Variants in ADSS2 observed in about 807,000 individuals in gnomAD.
The protein encoded by ADSS2 is adenylosuccinate synthase 2, also known as adenylosuccinate synthetase isozyme 2.
In ADSS2, 30 loss-of-function variants were observed where a neutral mutation model predicts 60.0. That is an observed-to-expected ratio of 0.50 (90% CI 0.37 to 0.68). The LOEUF (loss-of-function observed/expected upper bound fraction) is 0.68. Among genes scored for constraint, ADSS2 ranks in the 30% least tolerant of loss-of-function variants. The pLI is 0.00. For synonymous variants in ADSS2, 187 were observed against 193.1 expected, an observed-to-expected ratio of 0.97 and a Z score of 0.26; for missense variants, 373 against 554.8, an observed-to-expected ratio of 0.67 and a Z score of 3.29.
intron 3 of ADSS2, among the ~76,000 whole-genome samples, chr1:244,432,823 C>T (rs917099550): frequency 6.6e-6 from 1 of 151,908 alleles, no homozygotes; most frequent in African/African-American, 2.4e-5. Flanking sequence ...CGCCACCACA[C>T]CTGGCTAATT....
At position 244,451,521 on chromosome 1, in the gene ADSS2, G is replaced by A. The variant is rs1010494407; in HGVS notation, c.183+114C>T. 1.4e-4 allele frequency: 165 copies of A among 1,169,250 alleles called. 1 individual carries two copies. In the East Asian group the frequency reaches 4.0e-3, roughly 28 times the overall value. The allele number at this position is 1,169,250 out of a possible 1,614,324, so 72.4% of individuals were successfully genotyped here. A position where few individuals can be genotyped will look rare whatever the true frequency, so the allele number is the denominator to read the frequency against. On this transcript the variant is annotated intron_variant, in intron 1 of 12. Coordinates refer to ENST00000366535, the MANE Select transcript of ADSS2 (RefSeq NM_001126.5). The surrounding 1 kb of genome is among the most constrained non-coding windows in gnomAD (Gnocchi z 6.6). ...GGACAGGAGGAGAGAGCCTCAAGGT[G>A]ACACCTCATTTTGGCCAGTGGATCC...
chr1:244,427,168 T>C (rs1359011797), intron 4 of ADSS2, among the ~76,000 whole-genome samples: 1 of 152,164 alleles, frequency 6.6e-6, no homozygotes, highest in Non-Finnish European at 1.5e-5. Context: ...GTTAATGCAA[T>C]AGGTCCTTGC....
intron 4 of ADSS2, chr1:244,424,822 A>G (rs530733527): frequency 2.6e-5 from 4 of 156,046 alleles, no homozygotes; most frequent in African/African-American, 9.6e-5. Flanking sequence ...TTCCATTCTT[A>G]GACATCTCTA....
intron 1 of ADSS2, among the ~76,000 whole-genome samples, chr1:244,447,495 G>C (rs1329517018): frequency 6.6e-6 from 1 of 152,118 alleles, no homozygotes; most frequent in Non-Finnish European, 1.5e-5. Flanking sequence ...ACTGCAATAG[G>C]ACATCCTCAT....
At chr1:244,440,633 G>A (rs1572145910) in intron 1 of ADSS2, among the ~76,000 whole-genome samples, 1 of 152,168 alleles carries the variant, frequency 6.6e-6, no homozygotes, top group African/African-American at 2.4e-5. Flanking sequence ...ACTATGCACA[G>A]TAAAATGTGA....
chr1:244,431,029 G>C (rs1473876298), intron 4 of ADSS2, among the ~76,000 whole-genome samples: 1 of 152,054 alleles, frequency 6.6e-6, no homozygotes, highest in Non-Finnish European at 1.5e-5. Context: ...TGAGGCAGAA[G>C]AATCACTTGA....
intron 11 of ADSS2, 105 bp downstream of exon 11, chr1:244,415,876 T>A: frequency 1.2e-6 from 1 of 808,556 alleles, no homozygotes; most frequent in Non-Finnish European, 1.9e-6. Context: ...AAAGGGCATA[T>A]CAAACCTGTC....
intron 4 of ADSS2, among the ~76,000 whole-genome samples, chr1:244,425,428 G>A (rs965017353): frequency 4.0e-5 from 6 of 151,788 alleles, no homozygotes; most frequent in Non-Finnish European, 8.8e-5. Flanking sequence ...ATGTGTAGAT[G>A]TTTAACAGAA....
intron 1 of ADSS2, among the ~76,000 whole-genome samples, chr1:244,446,634 T>C (rs564952805): frequency 6.8e-6 from 1 of 147,030 alleles, no homozygotes; most frequent in East Asian, 2.0e-4. Flanking sequence ...ACAATGAAAG[T>C]GGAAAGGGGC....
At chr1:244,431,210 TAACA>T (rs967865283) in intron 4 of ADSS2, among the ~76,000 whole-genome samples, 10 of 152,108 alleles carry the variant, frequency 6.6e-5, no homozygotes, top group African/African-American at 2.2e-4. Context: ...TAAGATAAGC[TAACA>T]AACAAAATAT....
At chr1:244,439,042 T>C (rs543042015) in intron 1 of ADSS2, among the ~76,000 whole-genome samples, 9 of 152,294 alleles carry the variant, frequency 5.9e-5, no homozygotes, top group African/African-American at 2.2e-4. Context: ...ACCCCACTCT[T>C]ACCACTACCT....
At chr1:244,411,162 A>G (rs1420229521) in intron 12 of ADSS2, 125 bp downstream of exon 12, 2 of 914,694 alleles carry the variant, frequency 2.2e-6, no homozygotes, top group Non-Finnish European at 3.2e-6. Context: ...CAGAGGTTGC[A>G]GTGAGCCGAG....
chr1:244,425,572 G>C (rs541750130), intron 4 of ADSS2, among the ~76,000 whole-genome samples: 10 of 152,096 alleles, frequency 6.6e-5, no homozygotes, highest in Admixed American at 2.6e-4. Flanking sequence ...CCCATCCTCT[G>C]ATTAACCCTG....
chr1:244,437,861 A>G, intron 1 of ADSS2, 93 bp from the exon 2 acceptor site: 1 of 973,810 alleles, frequency 1.0e-6, no homozygotes, highest in Non-Finnish European at 1.6e-6. Flanking sequence ...TCCTGCCAAA[A>G]GGTCAACTTA....
chr1:244,421,037 ACGAG>A (rs1162472904), intron 7 of ADSS2, among the ~76,000 whole-genome samples: 28 of 5,272 alleles, frequency 5.3e-3, no homozygotes, highest in African/African-American at 0.033. Context: ...GGTGAGGGCC[ACGAG>A]TTACACTGCC....
chr1:244,410,063 C>T (rs889386232), intron 12 of ADSS2, among the ~76,000 whole-genome samples: 1 of 152,222 alleles, frequency 6.6e-6, no homozygotes, highest in Non-Finnish European at 1.5e-5. Context: ...GAATCATCTG[C>T]ATCACATGGT....
chr1:244,449,469 A>G (rs1385937428), intron 1 of ADSS2, among the ~76,000 whole-genome samples: 1 of 152,124 alleles, frequency 6.6e-6, no homozygotes, highest in Non-Finnish European at 1.5e-5. Context: ...CTTACTGTTG[A>G]TTTTTTCCAG....
intron 1 of ADSS2, among the ~76,000 whole-genome samples, chr1:244,440,290 T>C (rs772895979): frequency 6.6e-5 from 10 of 152,172 alleles, no homozygotes; most frequent in Non-Finnish European, 1.5e-5. Flanking sequence ...TTTTACCAAA[T>C]CATCCCAATT....
chr1:244,444,514 C>CAAAAAAAAAAAAAAAAAAAAAAAAAAA (rs56001597), intron 1 of ADSS2, among the ~76,000 whole-genome samples: 9 of 42,552 alleles, frequency 2.1e-4, no homozygotes, highest in Non-Finnish European at 3.9e-4. Flanking sequence ...GACTCCATCT[C>CAAAAAAAAAAAAAAAAAAAAAAAAAAA]AAAAAAAAAA....
Sources: gnomAD v4.1 joint callset for allele counts (sites outside exome capture counted in the v4.1 genomes callset) on GRCh38, gnomAD v4.1.1 for gene constraint, Gnocchi (gnomAD v3.1) non-coding constraint, MANE v1.5 for transcripts, NCBI Gene and HGNC (gene_info 2026-07-23, HGNC 2026-07-21) for gene names.